Variants in KDM4C observed in about 807,000 individuals in gnomAD.
The protein encoded by KDM4C is lysine-specific demethylase 4C.
A neutral mutation model predicts 129.3 loss-of-function variants in KDM4C; 81 were observed. That is an observed-to-expected ratio of 0.63 (90% CI 0.52 to 0.75). The LOEUF is 0.75. KDM4C is among the 30% of genes least tolerant of loss of function. The pLI, the probability that KDM4C is intolerant of heterozygous loss-of-function variation, is 0.00. For synonymous variants in KDM4C, 573 were observed against 456.1 expected (o/e 1.26, Z -3.26); for missense variants, 1,457 against 1,304.0 (o/e 1.12, Z -1.81).
At chr9:7,080,662 A>G (rs1834421288) in intron 17 of KDM4C, among the ~76,000 whole-genome samples, 1 of 152,220 alleles carries the variant, frequency 6.6e-6, no homozygotes, top group Non-Finnish European at 1.5e-5. Flanking sequence ...TTTTACATAA[A>G]TTGGAATCTG....
chr9:7,046,993 T>C lies in KDM4C; in HGVS notation c.2315+76T>C, dbSNP rs1829501739. On this transcript the variant is annotated intron_variant, in intron 16 of 21. Transcript: ENST00000381309. ...CTAGAACCTTTGGATGACAGTTCGC[T>C]TTACCTCTCATTGTACACGTGGTTT... The C allele has an allele frequency of 3.8e-6, 4 of 1,041,038 alleles. No homozygotes were observed. The South Asian group carries it at 5.3e-5, about 14-fold the overall frequency. 64.5% of individuals were successfully genotyped at this position (1,041,038 alleles called of 1,614,324 possible). A position where few individuals can be genotyped will look rare whatever the true frequency, so the allele number is the denominator to read the frequency against.
chr9:6,966,674 A>G (rs1299958368), intron 8 of KDM4C, among the ~76,000 whole-genome samples: 1 of 152,196 alleles, frequency 6.6e-6, no homozygotes, highest in African/African-American at 2.4e-5. Flanking sequence ...TCAGATCCAT[A>G]TTTATATATG....
intron 1 of KDM4C, among the ~76,000 whole-genome samples, chr9:6,783,012 G>C (rs993087401): frequency 6.6e-6 from 1 of 152,184 alleles, no homozygotes; most frequent in African/African-American, 2.4e-5. Context: ...GAGAGGGTAG[G>C]CTTGGGAAGG....
At chr9:7,173,587 A>C (rs556046024) in intron 21 of KDM4C, among the ~76,000 whole-genome samples, 1 of 152,192 alleles carries the variant, frequency 6.6e-6, no homozygotes, top group African/African-American at 2.4e-5. Flanking sequence ...GGCCTGCCCC[A>C]TAGGGTAAGG....
chr9:6,948,458 ATTT>A (rs568217316), intron 8 of KDM4C, among the ~76,000 whole-genome samples: 8 of 117,118 alleles, frequency 6.8e-5, no homozygotes, highest in Non-Finnish European at 7.6e-5. Flanking sequence ...CACTTTCCTC[ATTT>A]TTTTTTTTTT....
At chr9:6,993,974 CT>C (rs34148888) in intron 12 of KDM4C, among the ~76,000 whole-genome samples, 40,338 of 151,850 alleles carry the variant, frequency 0.27, 6,174 homozygotes, top group East Asian at 0.58. Context: ...ATTCCCCTGC[CT>C]TTTTAGCACC....
At chr9:6,972,197 C>T (rs530991229) in intron 8 of KDM4C, among the ~76,000 whole-genome samples, 1 of 151,868 alleles carries the variant, frequency 6.6e-6, no homozygotes, top group East Asian at 1.9e-4. Flanking sequence ...TTACTCACTC[C>T]ATCTATTTAG....
At chr9:7,020,867 A>T (rs543558628) in intron 15 of KDM4C, among the ~76,000 whole-genome samples, 33 of 150,912 alleles carry the variant, frequency 2.2e-4, no homozygotes, top group African/African-American at 7.8e-4. Context: ...ATTATTTTTG[A>T]CTGTAGTCAC....
intron 8 of KDM4C, among the ~76,000 whole-genome samples, chr9:6,943,461 C>T (rs1375407139): frequency 6.6e-6 from 1 of 152,094 alleles, no homozygotes; most frequent in Admixed American, 6.6e-5. Context: ...GTAATCCTGG[C>T]ACTTCAGGAC....
intron 17 of KDM4C, among the ~76,000 whole-genome samples, chr9:7,094,829 G>C (rs1009380198): frequency 6.6e-6 from 1 of 152,168 alleles, no homozygotes; most frequent in African/African-American, 2.4e-5. Context: ...GCTGCTGCTA[G>C]CATAATTGAA....
intron 17 of KDM4C, among the ~76,000 whole-genome samples, chr9:7,102,449 A>G (rs1437434887): frequency 1.3e-5 from 2 of 151,852 alleles, no homozygotes; most frequent in Non-Finnish European, 2.9e-5. Context: ...GGGAAGACAA[A>G]TGGAGATAGA....
chr9:6,739,795 C>T (rs1244761622), intron 1 of KDM4C, among the ~76,000 whole-genome samples: 1 of 151,560 alleles, frequency 6.6e-6, no homozygotes, highest in Non-Finnish European at 1.5e-5. Context: ...TTCGAGACTG[C>T]CCTGGGCAAC....
intron 1 of KDM4C, among the ~76,000 whole-genome samples, chr9:6,733,798 T>C (rs917387659): frequency 6.6e-6 from 1 of 152,230 alleles, no homozygotes; most frequent in African/African-American, 2.4e-5. Context: ...TGTTTTTTGA[T>C]GGTATGCTAA....
intron 5 of KDM4C, among the ~76,000 whole-genome samples, chr9:6,856,576 G>C (rs1035005795): frequency 7.4e-6 from 1 of 135,758 alleles, no homozygotes; most frequent in Admixed American, 7.3e-5. Context: ...GTGTGTGTGT[G>C]TGTGTATTTT....
At chr9:6,866,370 G>A (rs1393959692) in intron 5 of KDM4C, among the ~76,000 whole-genome samples, 1 of 152,132 alleles carries the variant, frequency 6.6e-6, no homozygotes, top group Non-Finnish European at 1.5e-5. Context: ...CTCTAGTAAA[G>A]GATCAGAGTG....
At chr9:6,829,792 A>G (rs944889044) in intron 4 of KDM4C, among the ~76,000 whole-genome samples, 1 of 152,196 alleles carries the variant, frequency 6.6e-6, no homozygotes, top group Non-Finnish European at 1.5e-5. Context: ...CTGCAGGTTT[A>G]CAGAAGGGCT....
At chr9:6,747,699 C>A (rs369410265) in intron 1 of KDM4C, among the ~76,000 whole-genome samples, 25 of 152,288 alleles carry the variant, frequency 1.6e-4, no homozygotes, top group African/African-American at 6.0e-4. Flanking sequence ...TTAACCTTGC[C>A]AGTTTCTGGA....
At chr9:6,814,820 A>T in intron 4 of KDM4C, 75 bp downstream of exon 4, 1 of 906,936 alleles carries the variant, frequency 1.1e-6, no homozygotes, top group South Asian at 1.8e-5. Flanking sequence ...AGCAGTTTAG[A>T]AGTGTTCTTT....
chr9:6,757,059 C>A (rs1818346293), upstream of KDM4C, among the ~76,000 whole-genome samples: 1 of 152,196 alleles, frequency 6.6e-6, no homozygotes, highest in Admixed American at 6.5e-5. Context: ...AATCATTCAG[C>A]TTTGCAAAAC....
Sources: allele counts gnomAD v4.1 joint callset (sites outside exome capture counted in the v4.1 genomes callset), GRCh38; gene constraint gnomAD v4.1.1; transcripts MANE v1.5; gene names NCBI Gene and HGNC (gene_info 2026-07-23, HGNC 2026-07-21).